The following CATSPER2 variants were observed in gnomAD, a reference collection of about 807,000 sequenced individuals.
The protein encoded by CATSPER2 is cation channel sperm-associated protein 2.
Under a neutral mutation model 68.8 loss-of-function variants are expected in CATSPER2, and 56 were observed. The observed-to-expected ratio is 0.81, with a 90% CI of 0.66 to 1.02. CATSPER2 has a LOEUF of 1.02. Ranked by LOEUF, CATSPER2 falls within the 50% of genes least tolerant of loss-of-function variation. The pLI is 0.00. For synonymous variants in CATSPER2, 198 were observed against 229.9 expected, an observed-to-expected ratio of 0.86 and a Z score of 1.26; for missense variants, 582 against 642.0, an observed-to-expected ratio of 0.91 and a Z score of 1.01.
At position 43,630,655 on chromosome 15, in the gene CATSPER2, T is replaced by A; in HGVS notation, c.*46A>T. 6.2e-7 allele frequency: 1 copy of A among 1,609,224 alleles called. No individual in the cohort carries two copies. The highest frequency in any genetic ancestry group is 1.1e-5 in the South Asian group (1 of 90,812). ...AATTCTCTATTTCCAACAATTCCCT[T>A]CATTATCTTTTGCTGGGCCCAAGGA... On this transcript the variant is annotated 3_prime_UTR_variant, in exon 13 of 13. Coordinates refer to ENST00000396879, the MANE Select transcript of CATSPER2 (RefSeq NM_172095.4).
At chr15:43,647,028 T>C in intron 4 of CATSPER2, 22 bp downstream of exon 4, 1 of 1,600,848 alleles carries the variant, frequency 6.2e-7, no homozygotes, top group Non-Finnish European at 8.6e-7. Context: ...CACTTCCTCT[T>C]TCATACAAGG....
At chr15:43,644,112 T>A (rs1850997815) in intron 4 of CATSPER2, among the ~76,000 whole-genome samples, 1 of 152,088 alleles carries the variant, frequency 6.6e-6, no homozygotes, top group African/African-American at 2.4e-5. Flanking sequence ...AATAAGCCAA[T>A]TGGTGTTTAA....
chr15:43,635,924 A>T, intron 8 of CATSPER2, 98 bp from the exon 9 acceptor site: 4 of 1,270,264 alleles, frequency 3.1e-6, no homozygotes, highest in Non-Finnish European at 4.5e-6. Flanking sequence ...CCAATCCAGA[A>T]CCCAAGCCTT....
At chr15:43,646,331 G>T (rs1427804074) in intron 4 of CATSPER2, among the ~76,000 whole-genome samples, 1 of 150,874 alleles carries the variant, frequency 6.6e-6, no homozygotes, top group Non-Finnish European at 1.5e-5. Context: ...CGTGATTTCA[G>T]CTCACTGCAA....
intron 4 of CATSPER2, among the ~76,000 whole-genome samples, chr15:43,642,061 C>T (rs184113782): frequency 2.1e-4 from 31 of 151,052 alleles, no homozygotes; most frequent in African/African-American, 5.4e-4. Context: ...TTCTCTAAGA[C>T]GGACAATTTT....
In CATSPER2 at chr15:43,648,728, G is replaced by C. The variant is rs1750409439; in HGVS notation, c.-102C>G. On this transcript the variant is annotated 5_prime_UTR_variant, in exon 1 of 13. Coordinates refer to ENST00000396879, the MANE Select transcript of CATSPER2 (RefSeq NM_172095.4). ...GCTACCCCTATGCAAGACGAGCTCA[G>C]GGCCGGCTCCCAGCCTCACTGCGCC... 1.9e-5 allele frequency: 29 copies of C among 1,512,592 alleles called. No homozygotes were observed. In the South Asian group the frequency reaches 3.2e-4, roughly 17 times the overall value. 93.7% of individuals were successfully genotyped at this position (1,512,592 alleles called of 1,614,324 possible).
chr15:43,632,651 A>C, intron 11 of CATSPER2, 66 bp downstream of exon 11: 1 of 1,608,822 alleles, frequency 6.2e-7, no homozygotes, highest in Admixed American at 1.7e-5. Context: ...TGTTAAGACT[A>C]AGATGTCTTA....
rs575314646 is a variant in CATSPER2 at position 43,628,994 on chromosome 15, T to C, written c.*1707A>G. 4 of 149,056 alleles carry C rather than the reference T, an allele frequency of 2.7e-5. No individual in the cohort carries two copies. In the South Asian group the frequency reaches 8.5e-4, roughly 32 times the overall value. 9.2% of individuals were successfully genotyped at this position (149,056 alleles called of 1,614,324 possible). A position where few individuals can be genotyped will look rare whatever the true frequency, so the allele number is the denominator to read the frequency against. On this transcript the variant is annotated 3_prime_UTR_variant, in exon 13 of 13. Coordinates refer to ENST00000396879, the MANE Select transcript of CATSPER2 (RefSeq NM_172095.4). ...ATCTTCACTCCAAGAATAACCATTA[T>C]TGTGACCCAAAGCTCAAAAATTTTG...
intron 9 of CATSPER2, 60 bp downstream of exon 9, chr15:43,635,667 A>G: frequency 6.6e-7 from 1 of 1,504,404 alleles, no homozygotes; most frequent in Non-Finnish European, 9.2e-7. Context: ...AGTAGAAACA[A>G]GAAATGAGCT....
intron 3 of CATSPER2, 75 bp from the exon 4 acceptor site, chr15:43,647,193 A>G (rs2086183777): frequency 6.4e-7 from 1 of 1,563,932 alleles, no homozygotes; most frequent in Non-Finnish European, 8.8e-7. Flanking sequence ...GAGCAATAAC[A>G]TAAGCAGTGA....
chr15:43,641,107 T>C (rs1193414652), intron 4 of CATSPER2, among the ~76,000 whole-genome samples: 1 of 136,242 alleles, frequency 7.3e-6, no homozygotes, highest in Non-Finnish European at 1.5e-5. Flanking sequence ...TGTTTTGTTT[T>C]GTTTTTTGTT....
intron 4 of CATSPER2, chr15:43,642,409 T>G (rs2086092099): frequency 6.7e-6 from 1 of 150,168 alleles, no homozygotes; most frequent in Non-Finnish European, 1.5e-5. Flanking sequence ...TAATTGAGCA[T>G]GATTTTTATT....
rs1372215807 is a variant in CATSPER2 at position 43,632,275 on chromosome 15, T to C, written c.1485A>G (p.Ser495=). The part of the protein sequence containing the change: ...DQDDRVWPRD[S]LFRYFELLEK... ...CTAGCAACTCAAAATATCGGAAGAGTGAGTCTCTGGGCCAAACACGGTCAT... is the reference window on the plus strand; with the variant it reads ...CTAGCAACTCAAAATATCGGAAGAGCGAGTCTCTGGGCCAAACACGGTCAT... The change falls in exon 12 of 13, where the codon TCA becomes TCG. Residue 495 remains serine, a synonymous_variant. Transcript: ENST00000396879. 6.2e-7 allele frequency: 1 copy of C among 1,613,320 alleles called. No individual in the cohort carries two copies. Among genetic ancestry groups the C allele is most frequent in the Non-Finnish European group, 8.5e-7 (1 of 1,179,726 alleles).
rs756665436 is a variant in CATSPER2, at chr15:43,630,690, C to T, written c.*11G>A. ...TTGCTGGGCCCAAGGATATTGAAGC[C>T]ATCCATTGCTTTACTTGTCTTCCAA... On this transcript the variant is annotated 3_prime_UTR_variant, in exon 13 of 13. Coordinates refer to ENST00000396879, the MANE Select transcript of CATSPER2 (RefSeq NM_172095.4). 1 of 1,611,304 alleles carries T rather than the reference C, an allele frequency of 6.2e-7. No individual in the cohort carries two copies. The highest frequency in any genetic ancestry group is 1.7e-5 in the Admixed American group (1 of 59,966).
At chr15:43,642,865 T>C (rs2086096984) in intron 4 of CATSPER2, 1 of 150,692 alleles carries the variant, frequency 6.6e-6, no homozygotes, top group Non-Finnish European at 1.5e-5. Context: ...TAATGTGTCC[T>C]CTCTGAAGAT....
rs193015077 is a variant in CATSPER2, at chr15:43,640,788, G to C, written c.389-292C>G. Among the ~76,000 whole-genome samples, 621 of 150,818 alleles carry C rather than the reference G, an allele frequency of 4.1e-3. 7 individuals carry two copies. The highest frequency in any genetic ancestry group is 0.013 in the African/African-American group (532 of 40,402). On this transcript the variant is annotated intron_variant, in intron 4 of 12. Coordinates refer to ENST00000396879, the MANE Select transcript of CATSPER2 (RefSeq NM_172095.4). The stretch of plus-strand genomic sequence containing the variant: ...TGGGGCTCACACAGCTACTAAGAGA[G>C]TACTCTCTTTAATTACCCCTACCTC...
rs146995350 is a variant in CATSPER2 at position 43,648,101 on chromosome 15, CTTG to C, written c.-2-41_-2-39del. ...TGTAAGCATCAAGTGTCATTTCATTCTTGGAGCTGCACCAAGGATTACAGGTTT... is the reference window on the plus strand; with the variant it reads ...TGTAAGCATCAAGTGTCATTTCATTCGAGCTGCACCAAGGATTACAGGTTT... On this transcript the variant is annotated intron_variant, in intron 1 of 12. Coordinates refer to ENST00000396879, the MANE Select transcript of CATSPER2 (RefSeq NM_172095.4). 1.0e-3 allele frequency: 1,637 copies of C among 1,609,538 alleles called. 35 individuals carry two copies. In the African/African-American group the frequency reaches 0.02, roughly 20 times the overall value.
At chr15:43,646,713 TTTTTC>T (rs1325060443) in intron 4 of CATSPER2, among the ~76,000 whole-genome samples, 5 of 135,802 alleles carry the variant, frequency 3.7e-5, no homozygotes, top group Admixed American at 1.4e-4. Context: ...CCTCTTTTTC[TTTTTC>T]TTTTTTTTTT....
intron 4 of CATSPER2, among the ~76,000 whole-genome samples, chr15:43,645,639 A>G (rs2086150876): frequency 6.6e-6 from 1 of 151,652 alleles, no homozygotes; most frequent in South Asian, 2.1e-4. Context: ...TAAAATCAAC[A>G]TAATTAGCCT....
Sources: gnomAD v4.1 joint callset for allele counts (sites outside exome capture counted in the v4.1 genomes callset) on GRCh38, gnomAD v4.1.1 for gene constraint, MANE v1.5 for transcripts, NCBI Gene and HGNC (gene_info 2026-07-23, HGNC 2026-07-21) for gene names.